The following ALG5 variants were observed in gnomAD, a reference collection of about 807,000 sequenced individuals.
ALG5 encodes the protein dolichyl-phosphate beta-glucosyltransferase.
A neutral mutation model predicts 51.8 loss-of-function variants in ALG5; 26 were observed. The observed-to-expected ratio is 0.50, with a 90% CI of 0.37 to 0.70. The LOEUF (loss-of-function observed/expected upper bound fraction) is 0.70, where lower values mean the gene tolerates loss of function less well. ALG5 is among the 30% of genes least tolerant of loss of function. The pLI, the probability that ALG5 is intolerant of heterozygous loss-of-function variation, is 0.00. For synonymous variants in ALG5, 141 were observed against 136.1 expected, an observed-to-expected ratio of 1.04 and a Z score of -0.25; for missense variants, 311 against 399.3, an observed-to-expected ratio of 0.78 and a Z score of 1.88.
chr13:36,983,061 A>G (rs2058986857), intron 6 of ALG5, among the ~76,000 whole-genome samples: 1 of 152,210 alleles, frequency 6.6e-6, no homozygotes, highest in African/African-American at 2.4e-5. Context: ...GTATAAAGGA[A>G]CTAGATTTAT....
intron 8 of ALG5, among the ~76,000 whole-genome samples, chr13:36,953,331 C>T (rs1283017042): frequency 6.6e-6 from 1 of 152,168 alleles, no homozygotes; most frequent in Non-Finnish European, 1.5e-5. Context: ...TTTCTTAAAG[C>T]CTCTTTTCAG....
At chr13:36,953,300 T>C (rs1480595898) in intron 8 of ALG5, among the ~76,000 whole-genome samples, 2 of 152,200 alleles carry the variant, frequency 1.3e-5, no homozygotes, top group Non-Finnish European at 2.9e-5. Context: ...AGTGTATCCT[T>C]CCTTCCACTT....
chr13:36,969,449 T>TA (rs574000267), intron 7 of ALG5, among the ~76,000 whole-genome samples: 109 of 151,664 alleles, frequency 7.2e-4, no homozygotes, highest in Admixed American at 1.1e-3. Context: ...AAAAAGTACT[T>TA]AAAAAACCAT....
chr13:36,986,205 T>C (rs1362074513), intron 5 of ALG5, among the ~76,000 whole-genome samples: 1 of 152,216 alleles, frequency 6.6e-6, no homozygotes, highest in Admixed American at 6.5e-5. Context: ...GTATCATTTA[T>C]TATAGGATCT....
At chr13:36,959,738 T>C (rs2058857368) in intron 8 of ALG5, among the ~76,000 whole-genome samples, 3 of 152,060 alleles carry the variant, frequency 2.0e-5, no homozygotes, top group South Asian at 4.1e-4. Context: ...TACCTAACTA[T>C]AAAACAAATG....
At chr13:36,975,530 C>CTA (rs1408823104) in intron 6 of ALG5, among the ~76,000 whole-genome samples, 3 of 152,122 alleles carry the variant, frequency 2.0e-5, no homozygotes, top group Non-Finnish European at 2.9e-5. Flanking sequence ...ATTGTAAGGG[C>CTA]TATACAATAT....
At chr13:36,959,639 A>T (rs2058856761) in intron 8 of ALG5, among the ~76,000 whole-genome samples, 1 of 152,162 alleles carries the variant, frequency 6.6e-6, no homozygotes, top group African/African-American at 2.4e-5. Context: ...GGACTCCTTC[A>T]CAGAAGTATG....
At chr13:36,983,607 T>G (rs2058989195) in intron 6 of ALG5, among the ~76,000 whole-genome samples, 1 of 151,986 alleles carries the variant, frequency 6.6e-6, no homozygotes, top group Admixed American at 6.6e-5. Context: ...AACAAGTAAT[T>G]TAAATGTGGC....
At chr13:36,993,477 G>C (rs1301986574) in intron 4 of ALG5, 127 bp downstream of exon 4, 1 of 767,064 alleles carries the variant, frequency 1.3e-6, no homozygotes, top group African/African-American at 1.7e-5. Flanking sequence ...CTGCTATCTA[G>C]ACTATAACAA....
chr13:36,989,191 T>A (rs994149999), intron 5 of ALG5, among the ~76,000 whole-genome samples: 1 of 152,170 alleles, frequency 6.6e-6, no homozygotes, highest in Admixed American at 6.5e-5. Context: ...TTTTTTAAAC[T>A]GCAAAAAACC....
At chr13:36,998,068 G>C (rs1048101744) in intron 1 of ALG5, among the ~76,000 whole-genome samples, 2 of 152,080 alleles carry the variant, frequency 1.3e-5, no homozygotes, top group Non-Finnish European at 2.9e-5. Context: ...ATCAATAAAT[G>C]GTAGCTCTTA....
intron 7 of ALG5, among the ~76,000 whole-genome samples, chr13:36,971,052 G>A (rs1425946546): frequency 6.6e-6 from 1 of 151,990 alleles, no homozygotes; most frequent in African/African-American, 2.4e-5. Context: ...GAATCATTGG[G>A]GGAAAGGTTC....
chr13:36,971,934 AG>A (rs776483584), intron 7 of ALG5, 42 bp downstream of exon 7: 1 of 1,494,864 alleles, frequency 6.7e-7, no homozygotes, highest in Non-Finnish European at 9.1e-7. Context: ...AAGAAATAAA[AG>A]CCAATTAATT....
In ALG5 at chr13:36,972,050, C is replaced by A; in HGVS notation, c.562-14G>T. 6.3e-7 allele frequency: 1 copy of A among 1,576,504 alleles called. No individual in the cohort carries two copies. The highest frequency in any genetic ancestry group is 8.6e-7 in the Non-Finnish European group (1 of 1,158,620). On this transcript the variant is annotated splice_polypyrimidine_tract_variant and intron_variant, in intron 6 of 9. Transcript: ENST00000239891. ...AGCCATTTGATTCTGAGGGAAAAAGCAGAGATAGTTTTTCAATATTTAAAT... is the reference window on the plus strand; with the variant it reads ...AGCCATTTGATTCTGAGGGAAAAAGAAGAGATAGTTTTTCAATATTTAAAT...
At chr13:36,996,991 G>A (rs1338365093) in intron 1 of ALG5, among the ~76,000 whole-genome samples, 1 of 152,068 alleles carries the variant, frequency 6.6e-6, no homozygotes, top group East Asian at 1.9e-4. Flanking sequence ...ACAAGAGAAA[G>A]GAAGAAGCAT....
intron 7 of ALG5, among the ~76,000 whole-genome samples, chr13:36,970,032 T>G (rs925051475): frequency 6.7e-6 from 1 of 149,460 alleles, no homozygotes. Flanking sequence ...TACTACAATT[T>G]TATATATATA....
chr13:36,987,050 C>A (rs17054789), intron 5 of ALG5, among the ~76,000 whole-genome samples: 6,647 of 152,244 alleles, frequency 0.044, 246 homozygotes, highest in African/African-American at 0.1. Context: ...ATGTGCCTCA[C>A]TGCCTTAAGA....
At chr13:36,976,737 G>A (rs1426823086) in intron 6 of ALG5, among the ~76,000 whole-genome samples, 4 of 121,882 alleles carry the variant, frequency 3.3e-5, no homozygotes, top group Non-Finnish European at 6.7e-5. Flanking sequence ...AACAGACCGA[G>A]ACTCTGTCTC....
intron 7 of ALG5, among the ~76,000 whole-genome samples, 172 bp downstream of exon 7, chr13:36,971,805 A>T (rs1260818860): frequency 6.6e-6 from 1 of 152,118 alleles, no homozygotes; most frequent in Non-Finnish European, 1.5e-5. Flanking sequence ...ATCAATTCTA[A>T]AATGTGCCAA....
Sources: gnomAD v4.1 joint callset for allele counts (sites outside exome capture counted in the v4.1 genomes callset) on GRCh38, gnomAD v4.1.1 for gene constraint, MANE v1.5 for transcripts, NCBI Gene and HGNC (gene_info 2026-07-23, HGNC 2026-07-21) for gene names.